ACSL4: variants seen among roughly 807,000 people sequenced by gnomAD.
ACSL4 encodes the protein acyl-CoA synthetase long chain family member 4.
A neutral mutation model predicts 49.1 loss-of-function variants in ACSL4; 9 were observed. That is an observed-to-expected ratio of 0.18 (90% confidence interval 0.11 to 0.32). The LOEUF is 0.32. ACSL4 is among the 10% of genes least tolerant of loss of function. The pLI, the probability that ACSL4 is intolerant of heterozygous loss-of-function variation, is 1.00. For synonymous variants in ACSL4, 191 were observed against 170.3 expected, an observed-to-expected ratio of 1.12 and a Z score of -0.95; for missense variants, 333 against 493.7, an observed-to-expected ratio of 0.67 and a Z score of 3.08.
chrX:109,715,667 A>C (rs1414828709), intron 1 of ACSL4, among the ~76,000 whole-genome samples: 2 of 110,676 alleles, frequency 1.8e-5, no homozygotes, highest in Admixed American at 9.7e-5. Context: ...CAAAACAATA[A>C]ATCATATAAT....
intron 9 of ACSL4, among the ~76,000 whole-genome samples, chrX:109,672,404 G>A (rs1344449633): frequency 9.0e-6 from 1 of 111,605 alleles, no homozygotes. Context: ...GCCTTGATGA[G>A]TAAGGAACAT....
intron 4 of ACSL4, among the ~76,000 whole-genome samples, chrX:109,682,189 T>C (rs748152116): frequency 7.1e-5 from 8 of 111,971 alleles, no homozygotes; most frequent in Non-Finnish European, 1.5e-4. Context: ...ACTTAGTATG[T>C]GACAATACAT....
chrX:109,707,683 C>A (rs1926457053), intron 1 of ACSL4, among the ~76,000 whole-genome samples: 1 of 110,078 alleles, frequency 9.1e-6, no homozygotes, highest in Admixed American at 9.7e-5. Flanking sequence ...GGACAGTCAT[C>A]ATGGTGGTAT....
intron 15 of ACSL4, among the ~76,000 whole-genome samples, chrX:109,652,924 G>C (rs530550630): frequency 4.5e-4 from 50 of 111,626 alleles, no homozygotes; most frequent in Middle Eastern, 4.6e-3. Flanking sequence ...AAACTTCACA[G>C]TGTCTAGAAT....
rs1345870772 is a variant in ACSL4, at chrX:109,644,182, T to C, written c.1860A>G (p.Lys620=). The C allele has an allele frequency of 8.3e-7, 1 of 1,205,508 alleles. No homozygotes were observed. Among genetic ancestry groups the C allele is most frequent in the Non-Finnish European group, 1.1e-6 (1 of 891,581 alleles). The change falls in exon 16 of 16, where the codon AAA becomes AAG. Residue 620 remains lysine (K), a synonymous_variant. Transcript: ENST00000672401. ...TGATTGGAATTTCAAATCGCTCCAA[T>C]TTCACTGAAATTAGAAGTGAAAGAT... is the stretch of plus-strand genomic sequence containing the variant. The part of the protein sequence containing the change: ...KEIREAANAM[K]LERFEIPIKV...
At chrX:109,722,997 A>G (rs1927679443) in intron 1 of ACSL4, among the ~76,000 whole-genome samples, 1 of 112,011 alleles carries the variant, frequency 8.9e-6, no homozygotes, top group South Asian at 3.6e-4. Flanking sequence ...TGGGTATGAA[A>G]TTACTGTTTT....
chrX:109,653,721 C>T (rs1423240354), intron 15 of ACSL4, among the ~76,000 whole-genome samples: 1 of 109,191 alleles, frequency 9.2e-6, no homozygotes, highest in Non-Finnish European at 1.9e-5. Context: ...AACCAAACAC[C>T]GCATGTTCTC....
At chrX:109,682,629 A>T in intron 4 of ACSL4, 90 bp downstream of exon 4, 1 of 1,049,920 alleles carries the variant, frequency 9.5e-7, no homozygotes, top group Non-Finnish European at 1.3e-6. Flanking sequence ...GCTAAACAAC[A>T]CCTACTGTGA....
chrX:109,698,037 G>C (rs747622302), intron 1 of ACSL4, among the ~76,000 whole-genome samples: 40 of 111,609 alleles, frequency 3.6e-4, no homozygotes, highest in Admixed American at 3.1e-3. Flanking sequence ...ACTAGAGAGT[G>C]TCAGGGAATT....
intron 9 of ACSL4, among the ~76,000 whole-genome samples, chrX:109,672,482 CATT>C (rs1335929076): frequency 9.0e-6 from 1 of 111,654 alleles, no homozygotes; most frequent in African/African-American, 3.3e-5. Context: ...CTCAACCTAA[CATT>C]ACATGATGTT....
In ACSL4 at chrX:109,683,206, T is replaced by C. The variant is rs770302078; in HGVS notation, c.158A>G (p.Asp53Gly). The C allele has an allele frequency of 8.3e-6, 10 of 1,210,532 alleles. No individual in the cohort carries two copies. The highest frequency in any genetic ancestry group is 7.0e-5 in the African/African-American group (4 of 57,362). The change falls in exon 3 of 16, where the codon GAC becomes GGC. Residue 53 changes from aspartate to glycine, a missense_variant. Asp to Gly is a moderately conservative substitution (Grantham distance 94). This residue lies in a region of ACSL4 where 157 missense variants were observed against 201.1 expected (regional missense o/e 0.78). Transcript: ENST00000672401. ...DHAVSKFGKK[D>G]SLGTREILSE... Reference sequence around the variant, plus strand: ...TAGGATTTCCCTGGTCCCAAGGCTGTCCTTCTTCCCAAACTTGGATACAGC... The same window carrying C: ...TAGGATTTCCCTGGTCCCAAGGCTGCCCTTCTTCCCAAACTTGGATACAGC...
At chrX:109,646,995 T>C (rs1003260921) in intron 15 of ACSL4, among the ~76,000 whole-genome samples, 2 of 111,650 alleles carry the variant, frequency 1.8e-5, no homozygotes, top group Non-Finnish European at 3.8e-5. Flanking sequence ...TATATGCACC[T>C]AATACAGGAG....
chrX:109,665,618 T>A, intron 11 of ACSL4, 124 bp from the exon 12 acceptor site: 1 of 583,826 alleles, frequency 1.7e-6, no homozygotes, highest in Non-Finnish European at 3.0e-6. Context: ...CAAAGTGTGA[T>A]CATTTTTCAG....
chrX:109,683,014 T>C (rs1924297590), intron 3 of ACSL4, 118 bp from the exon 4 acceptor site: 2 of 1,026,294 alleles, frequency 1.9e-6, no homozygotes, highest in Admixed American at 5.1e-5. Flanking sequence ...ATGAGCGGCT[T>C]CTGAGTAGTT....
chrX:109,660,960 T>C (rs908463311), intron 14 of ACSL4, among the ~76,000 whole-genome samples: 3 of 110,823 alleles, frequency 2.7e-5, no homozygotes, highest in East Asian at 2.8e-4. Flanking sequence ...GTTTAATGGG[T>C]ATAGAGTTTC....
intron 2 of ACSL4, among the ~76,000 whole-genome samples, chrX:109,693,670 A>G (rs1214168316): frequency 8.9e-6 from 1 of 112,034 alleles, no homozygotes; most frequent in Non-Finnish European, 1.9e-5. Flanking sequence ...CAGTAAGATG[A>G]GTAAGACAAG....
intron 2 of ACSL4, among the ~76,000 whole-genome samples, chrX:109,693,899 T>C (rs1049807032): frequency 9.0e-6 from 1 of 111,650 alleles, no homozygotes; most frequent in African/African-American, 3.3e-5. Flanking sequence ...GATTGATTGC[T>C]ATAAATATGT....
At chrX:109,723,174 A>T (rs925025606) in intron 1 of ACSL4, among the ~76,000 whole-genome samples, 34 of 111,454 alleles carry the variant, frequency 3.1e-4, no homozygotes, top group African/African-American at 1.1e-3. Flanking sequence ...TATTATAAGC[A>T]TCCTCCAGTG....
At chrX:109,706,224 C>G (rs1326421008) in intron 1 of ACSL4, among the ~76,000 whole-genome samples, 1 of 112,051 alleles carries the variant, frequency 8.9e-6, no homozygotes, top group African/African-American at 3.2e-5. Flanking sequence ...CAGTTCCCCC[C>G]ACTCCATGAC....
Sources: gnomAD v4.1 joint callset for allele counts (sites outside exome capture counted in the v4.1 genomes callset) on GRCh38, gnomAD v4.1.1 for gene constraint, gnomAD v4.1.1 regional missense constraint, MANE v1.5 for transcripts, NCBI Gene and HGNC (gene_info 2026-07-23, HGNC 2026-07-21) for gene names.